The following PLA2G4F variants were observed in gnomAD, a reference collection of about 807,000 sequenced individuals.
The protein encoded by PLA2G4F is cytosolic phospholipase A2 zeta.
Under a neutral mutation model 103.1 loss-of-function variants are expected in PLA2G4F, and 105 were observed. The observed-to-expected ratio is 1.02, with a 90% CI of 0.87 to 1.20. PLA2G4F has a LOEUF of 1.20. Among genes scored for constraint, PLA2G4F ranks in the 50% most tolerant of loss-of-function variants. PLA2G4F has a pLI of 0.00. For synonymous variants in PLA2G4F, 468 were observed against 441.1 expected (o/e 1.06, Z -0.76); for missense variants, 1,155 against 1,075.9 (o/e 1.07, Z -1.03).
At chr15:42,146,993 G>T in intron 13 of PLA2G4F, 131 bp downstream of exon 13, 1 of 895,808 alleles carries the variant, frequency 1.1e-6, no homozygotes, top group Non-Finnish European at 1.7e-6. Flanking sequence ...CACACTCCTG[G>T]CCCCAGGGGA....
At position 42,145,760 on chromosome 15, in the gene PLA2G4F, ACT is replaced by A; in HGVS notation, c.1672+4_1672+5del. 6.2e-7 allele frequency: 1 copy of A among 1,613,874 alleles called. No homozygotes were observed. ...GCCTGTCCCCAGCCCTCCAGCCTCG[ACT>A]CACCTTGCAGGTAACAGATCCGGGG... is the stretch of plus-strand genomic sequence containing the variant. On this transcript the variant is annotated splice_donor_5th_base_variant and intron_variant, in intron 15 of 19. Transcript: ENST00000397272.
In PLA2G4F at chr15:42,142,795, T is replaced by C. The variant is rs977374305; in HGVS notation, c.2143-81A>G. The C allele has an allele frequency of 6.4e-6, 9 of 1,411,258 alleles. No individual in the cohort carries two copies. In the African/African-American group the frequency reaches 1.3e-4, roughly 20 times the overall value. The allele number at this position is 1,411,258 out of a possible 1,614,324, so 87.4% of individuals were successfully genotyped here. On this transcript the variant is annotated intron_variant, in intron 18 of 19. Coordinates refer to ENST00000397272, the MANE Select transcript of PLA2G4F (RefSeq NM_213600.4). ...GCCCTGGACTCACACACGCCCAGGC[T>C]TCAATGCCAGCTCTGTTTCTGACTA...
At position 42,149,772 on chromosome 15, in the gene PLA2G4F, C is replaced by A; in HGVS notation, c.1000G>T (p.Val334Phe). The A allele has an allele frequency of 6.2e-7, 1 of 1,614,240 alleles. No homozygotes were observed. Among genetic ancestry groups the A allele is most frequent in the Non-Finnish European group, 8.5e-7 (1 of 1,180,050 alleles). The change falls in exon 11 of 20, where the codon GTC (valine) becomes TTC (phenylalanine). Residue 334 changes from valine (V) to phenylalanine (F), a missense_variant. By Grantham distance (50) the Val-to-Phe change is conservative (BLOSUM62 -1). Around this residue, in one of 3 missense-constraint regions of PLA2G4F, gnomAD observed 782 missense variants for 692.9 expected, o/e 1.13. Coordinates refer to ENST00000397272, the MANE Select transcript of PLA2G4F (RefSeq NM_213600.4). Reference protein sequence around the residue: ...EQEFLDRRKQVVSKALQQVLG... With the variant: ...EQEFLDRRKQFVSKALQQVLG... ...ACTTGCTGCAGGGCCTTGGACACGA[C>A]CTGCTTCCTCCTGTCCAGAAACTCC...
intron 4 of PLA2G4F, 35 bp downstream of exon 4, chr15:42,154,057 C>G (rs1311052044): frequency 6.2e-7 from 1 of 1,613,206 alleles, no homozygotes; most frequent in Non-Finnish European, 8.5e-7. Context: ...CTCCCCTCCT[C>G]CAGCTGGGCT....
intron 1 of PLA2G4F, among the ~76,000 whole-genome samples, chr15:42,156,216 C>A (rs904955662): frequency 6.6e-6 from 1 of 152,190 alleles, no homozygotes; most frequent in African/African-American, 2.4e-5. Flanking sequence ...GAAAGCCAAC[C>A]CACCCCAGAC....
At chr15:42,150,177 G>A in intron 9 of PLA2G4F, 36 bp from the exon 10 acceptor site, 2 of 1,613,992 alleles carry the variant, frequency 1.2e-6, no homozygotes, top group Non-Finnish European at 1.7e-6. Flanking sequence ...TGAGTTCTCT[G>A]GGCAGGATTC....
At chr15:42,154,934 C>G (rs1398355064) in intron 2 of PLA2G4F, among the ~76,000 whole-genome samples, 1 of 152,092 alleles carries the variant, frequency 6.6e-6, no homozygotes, top group Non-Finnish European at 1.5e-5. Context: ...TCCACCTACT[C>G]TTGCACTCAC....
chr15:42,148,300 G>A (rs1298619973), intron 11 of PLA2G4F, among the ~76,000 whole-genome samples: 3 of 152,068 alleles, frequency 2.0e-5, no homozygotes, highest in Non-Finnish European at 4.4e-5. Context: ...CACCTAAGCA[G>A]TATGGCTCCA....
rs1373162159 is a variant in PLA2G4F at position 42,144,509 on chromosome 15, G to A, written c.1916C>T (p.Thr639Ile). Residue 639 changes from threonine (T) to isoleucine (I), a missense_variant, in exon 17 of 20, where the codon ACC becomes ATC. Thr to Ile is a moderately conservative substitution (Grantham distance 89, BLOSUM62 -1). Around this residue, in one of 3 missense-constraint regions of PLA2G4F, gnomAD observed 782 missense variants for 692.9 expected, o/e 1.13. Transcript: ENST00000397272. ...RFTSAQSFNFTRGLCLHKDYV... is the reference protein window; with the variant it reads ...RFTSAQSFNFIRGLCLHKDYV... ...GTCCTTGTGCAAGCAGAGACCCCGGGTGAAGTTAAAGCTCTGGGCGGAAGT... is the reference window on the plus strand; with the variant it reads ...GTCCTTGTGCAAGCAGAGACCCCGGATGAAGTTAAAGCTCTGGGCGGAAGT... The A allele has an allele frequency of 6.2e-7, 1 of 1,612,382 alleles. No homozygotes were observed. The highest frequency in any genetic ancestry group is 1.3e-5 in the African/African-American group (1 of 74,864).
intron 13 of PLA2G4F, chr15:42,146,823 A>G: frequency 3.1e-6 from 1 of 319,980 alleles, no homozygotes. Flanking sequence ...GAGAACAACT[A>G]AAATCACTCT....
At position 42,140,503 on chromosome 15, in the gene PLA2G4F, C is replaced by A. The variant is rs1227610890; in HGVS notation, c.*1481G>T. The A allele has an allele frequency of 6.6e-6, 1 of 152,386 alleles. No individual in the cohort carries two copies. Among genetic ancestry groups the A allele is most frequent in the Non-Finnish European group, 1.5e-5 (1 of 68,196 alleles). The allele number at this position is 152,386 out of a possible 1,614,324, so 9.4% of individuals were successfully genotyped here. On this transcript the variant is annotated 3_prime_UTR_variant, in exon 20 of 20. Transcript: ENST00000397272. ...CTGAACCAAGGGGAGGGGCCGTGGC[C>A]TGTGACAGGCAGCCATGGTGAGGAG... is the stretch of plus-strand genomic sequence containing the variant.
chr15:42,149,545 C>G (rs563363438), intron 11 of PLA2G4F, 168 bp downstream of exon 11: 14 of 985,270 alleles, frequency 1.4e-5, no homozygotes, highest in Non-Finnish European at 1.6e-5. Flanking sequence ...TGGCCAGGGC[C>G]GTTTGGCCCT....
intron 2 of PLA2G4F, chr15:42,154,672 CA>C (rs2048994956): frequency 3.9e-6 from 2 of 511,458 alleles, no homozygotes; most frequent in Non-Finnish European, 6.6e-6. Flanking sequence ...AATCCTGCGG[CA>C]GCCAGTTGGA....
intron 2 of PLA2G4F, 92 bp downstream of exon 2, chr15:42,155,423 TAC>T (rs201404677): frequency 1.9e-4 from 246 of 1,309,108 alleles, no homozygotes; most frequent in Non-Finnish European, 2.4e-4. Context: ...TGTATACTCT[TAC>T]ACACACACAC....
At chr15:42,148,978 C>T (rs924973760) in intron 11 of PLA2G4F, 10 of 985,220 alleles carry the variant, frequency 1.0e-5, no homozygotes, top group South Asian at 4.7e-5. Context: ...ACAGTGATAG[C>T]GTCTCCTGAG....
At chr15:42,154,906 A>G (rs2048997904) in intron 2 of PLA2G4F, among the ~76,000 whole-genome samples, 2 of 152,002 alleles carry the variant, frequency 1.3e-5, no homozygotes, top group Non-Finnish European at 2.9e-5. Flanking sequence ...CCTCACCTCC[A>G]TGGTCAGCAC....
chr15:42,145,773 G>A lies in PLA2G4F; in HGVS notation c.1665C>T (p.Tyr555=), dbSNP rs1018920916. ...CCTCCAGCCTCGACTCACCTTGCAG[G>A]TAACAGATCCGGGGTTCAGGCTGGA... ...LQLQPEPRIC[Y]LQGMWGSAFA... is the part of the protein sequence containing the mutation. Residue 555 remains tyrosine, a synonymous_variant, in exon 15 of 20, where the codon TAC becomes TAT. Coordinates refer to ENST00000397272, the MANE Select transcript of PLA2G4F (RefSeq NM_213600.4). 6.2e-7 allele frequency: 1 copy of A among 1,613,968 alleles called. No individual in the cohort carries two copies. Among genetic ancestry groups the A allele is most frequent in the Non-Finnish European group, 8.5e-7 (1 of 1,180,042 alleles).
intron 7 of PLA2G4F, 83 bp downstream of exon 7, chr15:42,152,605 T>A: frequency 1.4e-6 from 2 of 1,419,614 alleles, no homozygotes; most frequent in Non-Finnish European, 1.9e-6. Flanking sequence ...AAGAACTTCC[T>A]GCCCCAGACC....
chr15:42,151,654 T>TGTGG, intron 7 of PLA2G4F: 3 of 984,944 alleles, frequency 3.0e-6, no homozygotes, highest in Non-Finnish European at 3.6e-6. Flanking sequence ...CATGACCAAG[T>TGTGG]GTGGGGAGGG....
Sources: allele counts gnomAD v4.1 joint callset (sites outside exome capture counted in the v4.1 genomes callset), GRCh38; gene constraint gnomAD v4.1.1; regional missense constraint gnomAD v4.1.1; transcripts MANE v1.5; gene names NCBI Gene and HGNC (gene_info 2026-07-23, HGNC 2026-07-21).